RARB: variants seen among roughly 807,000 people sequenced by gnomAD.
RARB encodes HBV-activated protein.
RARB carries 17 observed loss-of-function variants against 51.9 expected under a neutral mutation model. The observed-to-expected ratio is 0.33, with a 90% CI of 0.22 to 0.49. The LOEUF (loss-of-function observed/expected upper bound fraction) is 0.49, where lower values mean the gene tolerates loss of function less well. Ranked by LOEUF, RARB falls within the 20% of genes least tolerant of loss-of-function variation. The pLI, the probability that RARB is intolerant of heterozygous loss-of-function variation, is 0.99. For synonymous variants in RARB, 215 were observed against 195.4 expected (o/e 1.10, Z -0.84); for missense variants, 369 against 550.8 (o/e 0.67, Z 3.30).
At chr3:25,027,307 C>T (rs888033529) in intron 2 of RARB, among the ~76,000 whole-genome samples, 1 of 152,016 alleles carries the variant, frequency 6.6e-6, no homozygotes, top group Non-Finnish European at 1.5e-5. Context: ...AAGAGTGAGT[C>T]CTGGGGTCAG....
rs900588440 is a variant in RARB at position 25,190,282 on chromosome 3, C to G, written c.178+15707C>G. On this transcript the variant is annotated intron_variant, in intron 5 of 11. Transcript: ENST00000383772. ...TGTACTCACATGTTCCCTTACACCC[C>G]CAACCAGGCCCATACCCCAGGCAGA... Among the ~76,000 whole-genome samples, 5 of 151,994 alleles carry G rather than the reference C, an allele frequency of 3.3e-5. No homozygotes were observed. In the East Asian group the frequency reaches 9.7e-4, roughly 29 times the overall value.
At chr3:25,579,317 T>C (rs1283247516) in intron 4 of RARB, among the ~76,000 whole-genome samples, 1 of 152,228 alleles carries the variant, frequency 6.6e-6, no homozygotes, top group Non-Finnish European at 1.5e-5. Flanking sequence ...CCAGTCAAGA[T>C]GTAGAATATT....
intron 5 of RARB, among the ~76,000 whole-genome samples, chr3:25,236,204 A>G (rs200083693): frequency 6.6e-6 from 1 of 152,180 alleles, no homozygotes; most frequent in Non-Finnish European, 1.5e-5. Flanking sequence ...TTCAACAAAT[A>G]TTAATTGTGC....
rs1304725759 is a variant in RARB, at chr3:25,167,674, A to G, written c.-279-6445A>G. Reference sequence around the variant, plus strand: ...AACCCATCCCTGGTAAGAAAGGTAAATCTACTCTTTGAAGAAACTAAATCA... The same window carrying G: ...AACCCATCCCTGGTAAGAAAGGTAAGTCTACTCTTTGAAGAAACTAAATCA... On this transcript the variant is annotated intron_variant, in intron 4 of 11. Coordinates refer to the RARB transcript ENST00000383772. Among the ~76,000 whole-genome samples the G allele has an allele frequency of 2.0e-5, 3 of 152,184 alleles. No homozygotes were observed. In the East Asian group the frequency reaches 5.8e-4, roughly 29 times the overall value.
chr3:25,523,456 T>G (rs946460910), intron 3 of RARB, among the ~76,000 whole-genome samples: 6 of 152,282 alleles, frequency 3.9e-5, no homozygotes, highest in African/African-American at 1.4e-4. Flanking sequence ...ACTCACGAAT[T>G]CAAGATTTAT....
chr3:25,179,315 G>A (rs1700817484), intron 5 of RARB, among the ~76,000 whole-genome samples: 2 of 152,052 alleles, frequency 1.3e-5, no homozygotes, highest in South Asian at 4.2e-4. Context: ...TTAAGTATAT[G>A]CAGATTGATG....
chr3:25,510,849 G>A (rs1294712062), intron 3 of RARB, among the ~76,000 whole-genome samples: 1 of 152,148 alleles, frequency 6.6e-6, no homozygotes, highest in Non-Finnish European at 1.5e-5. Context: ...TGCCAATACA[G>A]CCTTAATTAA....
chr3:25,520,037 A>T (rs1053796501), intron 3 of RARB, among the ~76,000 whole-genome samples: 2 of 152,324 alleles, frequency 1.3e-5, no homozygotes, highest in East Asian at 3.9e-4. Context: ...GTTTTTATCA[A>T]TAAAATTTTA....
At chr3:25,019,461 G>T (rs550368090) in intron 2 of RARB, among the ~76,000 whole-genome samples, 13 of 152,184 alleles carry the variant, frequency 8.5e-5, no homozygotes, top group African/African-American at 2.6e-4. Flanking sequence ...ATCTATGAGA[G>T]TGCCAGTGAT....
At chr3:25,417,938 A>C (rs537850504) in intron 5 of RARB, among the ~76,000 whole-genome samples, 1 of 150,568 alleles carries the variant, frequency 6.6e-6, no homozygotes, top group South Asian at 2.1e-4. Flanking sequence ...TCAGGGAGCC[A>C]GGTTCTTTCC....
chr3:25,106,900 A>T (rs370598510), intron 3 of RARB, among the ~76,000 whole-genome samples: 2 of 150,136 alleles, frequency 1.3e-5, no homozygotes, highest in African/African-American at 2.4e-5. Flanking sequence ...TTCCTTCTGC[A>T]TTTTTTTTTG....
At chr3:25,403,838 G>T (rs1278416776) in intron 5 of RARB, among the ~76,000 whole-genome samples, 1 of 68,298 alleles carries the variant, frequency 1.5e-5, no homozygotes, top group African/African-American at 4.6e-5. Context: ...ATCTTCATTA[G>T]AAAAAAAAAA....
chr3:24,885,683 A>G (rs978245403), intron 2 of RARB, among the ~76,000 whole-genome samples: 1 of 152,180 alleles, frequency 6.6e-6, no homozygotes, highest in African/African-American at 2.4e-5. Flanking sequence ...AGCTAGGGTT[A>G]GAATTGGGTA....
chr3:25,131,839 A>G (rs950668604), intron 3 of RARB, among the ~76,000 whole-genome samples: 1 of 151,890 alleles, frequency 6.6e-6, no homozygotes, highest in African/African-American at 2.4e-5. Flanking sequence ...CAAAATACCA[A>G]GCTGAGAAGT....
At chr3:24,965,363 T>C (rs1455392168) in intron 2 of RARB, among the ~76,000 whole-genome samples, 1 of 152,132 alleles carries the variant, frequency 6.6e-6, no homozygotes, top group Non-Finnish European at 1.5e-5. Context: ...TTAATTGAGG[T>C]CATTTCGAGG....
chr3:24,941,569 C>A (rs992705256), intron 2 of RARB, among the ~76,000 whole-genome samples: 1 of 152,080 alleles, frequency 6.6e-6, no homozygotes, highest in Non-Finnish European at 1.5e-5. Context: ...GGGGTTTCCC[C>A]ACGTTGGCCA....
intron 1 of RARB, among the ~76,000 whole-genome samples, chr3:25,450,526 T>G (rs953122893): frequency 1.2e-4 from 18 of 152,144 alleles, no homozygotes; most frequent in African/African-American, 4.3e-4. Context: ...GTATTTTCTT[T>G]GTTGTCCCCA....
chr3:24,930,263 A>G (rs1019893612), intron 2 of RARB, among the ~76,000 whole-genome samples: 1 of 152,062 alleles, frequency 6.6e-6, no homozygotes, highest in Admixed American at 6.6e-5. Context: ...GCTTTTCAGG[A>G]GTCTTATTCT....
chr3:25,278,972 A>G (rs1473756270), intron 5 of RARB, among the ~76,000 whole-genome samples: 4 of 152,140 alleles, frequency 2.6e-5, no homozygotes, highest in African/African-American at 7.2e-5. Context: ...TTTAAACCCT[A>G]AAAGATTGTG....
Sources: gnomAD v4.1 joint callset for allele counts (sites outside exome capture counted in the v4.1 genomes callset) on GRCh38, gnomAD v4.1.1 for gene constraint, MANE v1.5 for transcripts, NCBI Gene and HGNC (gene_info 2026-07-23, HGNC 2026-07-21) for gene names.